PRKAG2: variants seen among roughly 807,000 people sequenced by gnomAD.
PRKAG2 encodes the protein protein kinase AMP-activated non-catalytic subunit gamma 2.
A neutral mutation model predicts 69.6 loss-of-function variants in PRKAG2; 26 were observed. That is an observed-to-expected ratio of 0.37 (90% CI 0.27 to 0.52). The LOEUF is 0.52. Ranked by LOEUF, PRKAG2 falls within the 20% of genes least tolerant of loss-of-function variation. The pLI is 0.90. For missense variants in PRKAG2, 557 were observed against 740.0 expected (o/e 0.75, Z 2.87); for synonymous variants, 293 against 285.0 (o/e 1.03, Z -0.28).
chr7:151,750,671 G>T (rs746694017), intron 3 of PRKAG2, among the ~76,000 whole-genome samples: 1 of 152,134 alleles, frequency 6.6e-6, no homozygotes, highest in Non-Finnish European at 1.5e-5. Context: ...TCTGGAACTA[G>T]ATTGGGGTGA....
At chr7:151,765,051 T>A (rs2075657683) in intron 3 of PRKAG2, among the ~76,000 whole-genome samples, 1 of 152,224 alleles carries the variant, frequency 6.6e-6, no homozygotes, top group African/African-American at 2.4e-5. Context: ...CCTTCACAGT[T>A]CTGGAGGCTG....
rs1022909309 is a variant in PRKAG2, at chr7:151,807,015, G to A, written c.115-20474C>T. On this transcript the variant is annotated intron_variant, in intron 1 of 15. Transcript: ENST00000287878. The surrounding 1 kb of genome is among the most constrained non-coding windows in gnomAD (Gnocchi z 4.4). ...TGTGTCCACCTGGGTTCAGAATTGC[G>A]CTGGACATGGGATACACAAAGGTAA... 9 of 455,276 alleles carry A rather than the reference G, an allele frequency of 2.0e-5. No homozygotes were observed. The highest frequency in any genetic ancestry group is 4.7e-5 in the South Asian group (3 of 63,974). The allele number at this position is 455,276 out of a possible 1,614,324, so 28.2% of individuals were successfully genotyped here. A position where few individuals can be genotyped will look rare whatever the true frequency, so the allele number is the denominator to read the frequency against.
At chr7:151,620,472 G>A (rs1296281198) in intron 5 of PRKAG2, among the ~76,000 whole-genome samples, 1 of 151,020 alleles carries the variant, frequency 6.6e-6, no homozygotes, top group Non-Finnish European at 1.5e-5. Flanking sequence ...AGATGGCTTT[G>A]TTTTTTTGTT....
chr7:151,702,923 A>T (rs943636150), intron 3 of PRKAG2, among the ~76,000 whole-genome samples: 1 of 152,186 alleles, frequency 6.6e-6, no homozygotes, highest in Non-Finnish European at 1.5e-5. Context: ...TCCAGTTCCG[A>T]GAACTGGAGC....
At chr7:151,588,545 G>T (rs35050553) in intron 6 of PRKAG2, among the ~76,000 whole-genome samples, 80,404 of 151,358 alleles carry the variant, frequency 0.53, 22,103 homozygotes, top group East Asian at 0.81. Context: ...GTAATTTTAG[G>T]AGGACGGTTT....
At chr7:151,653,035 A>G (rs184011175) in intron 4 of PRKAG2, among the ~76,000 whole-genome samples, 1 of 149,330 alleles carries the variant, frequency 6.7e-6, no homozygotes, top group East Asian at 1.9e-4. Context: ...CGCTAATGAA[A>G]GTTAAAGGAA....
intron 3 of PRKAG2, among the ~76,000 whole-genome samples, chr7:151,713,828 G>A (rs1423047716): frequency 9.2e-5 from 14 of 151,914 alleles, no homozygotes; most frequent in African/African-American, 3.4e-4. Flanking sequence ...TTCCTACCTC[G>A]GCCTCCCAAA....
intron 3 of PRKAG2, among the ~76,000 whole-genome samples, chr7:151,701,842 C>CAAAAAAAAAAAAAAAAAAA (rs71533538): frequency 1.1e-5 from 1 of 92,504 alleles, no homozygotes; most frequent in African/African-American, 4.1e-5. Context: ...GACTCTGTCT[C>CAAAAAAAAAAAAAAAAAAA]AAAAAAAAAA....
chr7:151,810,928 T>G (rs1257644618), intron 1 of PRKAG2: 2 of 153,232 alleles, frequency 1.3e-5, no homozygotes, highest in African/African-American at 4.9e-5. Flanking sequence ...AGGAAGACCA[T>G]ACGGACATGC....
rs2151635082 is a variant in PRKAG2, at chr7:151,719,585, C to T, written c.467-43948G>A. Among the ~76,000 whole-genome samples the T allele has an allele frequency of 6.6e-6, 1 of 152,280 alleles. No homozygotes were observed. The highest frequency in any genetic ancestry group is 1.9e-4 in the East Asian group (1 of 5,176). Reference sequence around the variant, plus strand: ...CCCCCTGTCTTCTGCCTCCTACCCTCATCCTTCCCGGGCAGTTCCCCCAGT... The same window carrying T: ...CCCCCTGTCTTCTGCCTCCTACCCTTATCCTTCCCGGGCAGTTCCCCCAGT... On this transcript the variant is annotated intron_variant, in intron 3 of 15. Transcript: ENST00000287878. This position sits in a 1 kb window ranked among gnomAD's most constrained non-coding sequence, Gnocchi z 5.2.
intron 5 of PRKAG2, among the ~76,000 whole-genome samples, chr7:151,597,280 T>G (rs1201346293): frequency 6.6e-6 from 1 of 152,042 alleles, no homozygotes; most frequent in Non-Finnish European, 1.5e-5. Flanking sequence ...CAATGGAAAA[T>G]AGATTAGAGA....
chr7:151,814,541 G>C lies in PRKAG2; in HGVS notation c.115-28000C>G, dbSNP rs2078581751. On this transcript the variant is annotated intron_variant, in intron 1 of 15. Coordinates refer to ENST00000287878, the MANE Select transcript of PRKAG2 (RefSeq NM_016203.4). The surrounding 1 kb of genome is among the most constrained non-coding windows in gnomAD (Gnocchi z 4.8). The stretch of plus-strand genomic sequence containing the variant: ...GGCACTCCCAGCTCTGACAAATCCT[G>C]CTGCCTCACTCGAAAGGTCCATCAG... 4.1e-6 allele frequency: 5 copies of C among 1,231,474 alleles called. No homozygotes were observed. The highest frequency in any genetic ancestry group is 4.2e-5 in the Admixed American group (1 of 23,696). 76.3% of individuals were successfully genotyped at this position (1,231,474 alleles called of 1,614,324 possible).
intron 3 of PRKAG2, among the ~76,000 whole-genome samples, chr7:151,728,285 G>A (rs781175136): frequency 3.9e-5 from 6 of 152,102 alleles, no homozygotes; most frequent in Admixed American, 6.5e-5. Context: ...CTTCTCAATC[G>A]CTAAAAGACA....
At chr7:151,753,637 C>T (rs946960064) in intron 3 of PRKAG2, among the ~76,000 whole-genome samples, 6 of 152,054 alleles carry the variant, frequency 3.9e-5, no homozygotes, top group East Asian at 3.9e-4. Flanking sequence ...AGGCTGGTCT[C>T]GAACTCCTGG....
chr7:151,716,620 T>C (rs1796228475), intron 3 of PRKAG2, among the ~76,000 whole-genome samples: 1 of 152,028 alleles, frequency 6.6e-6, no homozygotes, highest in Non-Finnish European at 1.5e-5. Flanking sequence ...TATGGGACAC[T>C]GTTGCCCCAT....
Position 151,614,358 on chromosome 7 carries a change from G to A in PRKAG2, c.754+17711C>T, listed in dbSNP as rs1214511369. On this transcript the variant is annotated intron_variant, in intron 5 of 15. Transcript: ENST00000287878. The surrounding 1 kb of genome is among the most constrained non-coding windows in gnomAD (Gnocchi z 4.4). ...GCAGGGAGGCCATGGGGTCGGTTACGTTGGGCGCTTGGCATGTGCTCTGTA... is the reference window on the plus strand; with the variant it reads ...GCAGGGAGGCCATGGGGTCGGTTACATTGGGCGCTTGGCATGTGCTCTGTA... Among the ~76,000 whole-genome samples the A allele has an allele frequency of 1.3e-5, 2 of 152,132 alleles. No individual in the cohort carries two copies. Among genetic ancestry groups the A allele is most frequent in the Non-Finnish European group, 2.9e-5 (2 of 68,012 alleles).
At chr7:151,712,885 G>A (rs1239933406) in intron 3 of PRKAG2, among the ~76,000 whole-genome samples, 1 of 151,608 alleles carries the variant, frequency 6.6e-6, no homozygotes, top group Admixed American at 6.5e-5. Context: ...AATTCATTCC[G>A]TTTTCCATCA....
chr7:151,870,832 C>T (rs920248606), intron 1 of PRKAG2, among the ~76,000 whole-genome samples: 2 of 152,246 alleles, frequency 1.3e-5, no homozygotes, highest in East Asian at 1.9e-4. Context: ...GCAACAGGCC[C>T]GCCCAAGCCC....
rs1353830843 is a variant in PRKAG2 at position 151,771,307 on chromosome 7, G to A, written c.466+9845C>T. On this transcript the variant is annotated intron_variant, in intron 3 of 15. Transcript: ENST00000287878. This position sits in a 1 kb window ranked among gnomAD's most constrained non-coding sequence, Gnocchi z 4.0. ...CACTTCTATCAGCACCACGTTTCTT[G>A]TCTTTCCAAGTCTGCTGATGCTTTC... Among the ~76,000 whole-genome samples the A allele has an allele frequency of 6.6e-6, 1 of 152,102 alleles. No individual in the cohort carries two copies. Among genetic ancestry groups the A allele is most frequent in the Non-Finnish European group, 1.5e-5 (1 of 68,026 alleles).
Sources: allele counts gnomAD v4.1 joint callset (sites outside exome capture counted in the v4.1 genomes callset), GRCh38; gene constraint gnomAD v4.1.1; non-coding constraint Gnocchi (gnomAD v3.1); transcripts MANE v1.5; gene names NCBI Gene and HGNC (gene_info 2026-07-23, HGNC 2026-07-21).